The following MYOF variants were observed in gnomAD, a reference collection of about 807,000 sequenced individuals.
The protein encoded by MYOF is fer-1-like 3, myoferlin.
A neutral mutation model predicts 284.2 loss-of-function variants in MYOF; 244 were observed. The ratio of observed to expected loss-of-function variants is 0.86; its 90% CI spans 0.77 to 0.95. The LOEUF is 0.95. Among genes scored for constraint, MYOF ranks in the 40% least tolerant of loss-of-function variants. The probability of loss-of-function intolerance (pLI) is 0.00; values close to 1 mark genes in which losing one functional copy is unlikely to be tolerated. For synonymous variants in MYOF, 904 were observed against 919.7 expected, an observed-to-expected ratio of 0.98 and a Z score of 0.31; for missense variants, 2,496 against 2,560.6, an observed-to-expected ratio of 0.97 and a Z score of 0.54.
At chr10:93,382,396 C>A (rs965626656) in intron 19 of MYOF, among the ~76,000 whole-genome samples, 4 of 152,040 alleles carry the variant, frequency 2.6e-5, no homozygotes. Context: ...CTGCACCCAG[C>A]TAAACTATTG....
chr10:93,411,433 T>A (rs1847895682), intron 5 of MYOF, among the ~76,000 whole-genome samples: 1 of 152,246 alleles, frequency 6.6e-6, no homozygotes, highest in Admixed American at 6.5e-5. Flanking sequence ...CGTGACCTAA[T>A]CACCTCCCTA....
At chr10:93,343,119 A>G (rs1212952574) in intron 38 of MYOF, among the ~76,000 whole-genome samples, 1 of 152,160 alleles carries the variant, frequency 6.6e-6, no homozygotes, top group Non-Finnish European at 1.5e-5. Flanking sequence ...TTTTTGGGCT[A>G]GTTTGCACAT....
rs1185661750 is a variant in MYOF at position 93,361,576 on chromosome 10, A to C, written c.2869-19T>G. 6.2e-7 allele frequency: 1 copy of C among 1,613,766 alleles called. No individual in the cohort carries two copies. The highest frequency in any genetic ancestry group is 8.5e-7 in the Non-Finnish European group (1 of 1,179,632). The stretch of plus-strand genomic sequence containing the variant: ...CGCCGTTCTTACAAAACAAAAATAA[A>C]AACAAAGAAGAGAGGTAAGCCATAG... On this transcript the variant is annotated intron_variant, in intron 27 of 53. Transcript: ENST00000359263.
At chr10:93,415,504 G>A (rs1011925492) in intron 5 of MYOF, among the ~76,000 whole-genome samples, 9 of 152,136 alleles carry the variant, frequency 5.9e-5, no homozygotes, top group Admixed American at 2.6e-4. Flanking sequence ...CTTTCTGAAC[G>A]GCCACCTGTT....
At chr10:93,478,696 G>A (rs1032212804) in intron 1 of MYOF, among the ~76,000 whole-genome samples, 3 of 151,576 alleles carry the variant, frequency 2.0e-5, no homozygotes, top group Non-Finnish European at 4.4e-5. Context: ...GCTGGGCATG[G>A]TGGTGTGTGC....
At chr10:93,425,186 C>A (rs183811377) in intron 5 of MYOF, among the ~76,000 whole-genome samples, 60 of 152,090 alleles carry the variant, frequency 3.9e-4, no homozygotes, top group Middle Eastern at 3.4e-3. Flanking sequence ...GGTGATTCAC[C>A]TGCCTTGGCC....
At chr10:93,380,280 G>A (rs562501202) in intron 20 of MYOF, among the ~76,000 whole-genome samples, 6 of 152,304 alleles carry the variant, frequency 3.9e-5, no homozygotes, top group East Asian at 1.9e-4. Context: ...GTTTCTTAAC[G>A]TGGTAGTAGA....
intron 53 of MYOF, 101 bp downstream of exon 53, chr10:93,309,919 C>A (rs868349772): frequency 2.1e-6 from 3 of 1,416,618 alleles, no homozygotes; most frequent in Admixed American, 2.0e-5. Context: ...TGCTGCTGAG[C>A]GGGTCATTCT....
chr10:93,368,735 G>A (rs532705282), intron 25 of MYOF, among the ~76,000 whole-genome samples: 1 of 152,316 alleles, frequency 6.6e-6, no homozygotes, highest in South Asian at 2.1e-4. Context: ...GTCTTGCCTA[G>A]CAAGCAGATC....
intron 13 of MYOF, among the ~76,000 whole-genome samples, chr10:93,397,692 G>T (rs1181593010): frequency 6.6e-6 from 1 of 151,466 alleles, no homozygotes; most frequent in Non-Finnish European, 1.5e-5. Flanking sequence ...TCAATTGTCA[G>T]GCTTCTAACA....
intron 7 of MYOF, among the ~76,000 whole-genome samples, chr10:93,404,662 A>AT (rs1847467882): frequency 6.7e-6 from 1 of 149,408 alleles, no homozygotes; most frequent in African/African-American, 2.5e-5. Context: ...AAAAAAAAAA[A>AT]GGGAAAAAGA....
intron 19 of MYOF, among the ~76,000 whole-genome samples, chr10:93,384,642 C>T (rs1047856538): frequency 2.8e-5 from 2 of 70,432 alleles, no homozygotes; most frequent in Non-Finnish European, 6.4e-5. Context: ...GAAACTCTGT[C>T]TCAGAAAAAA....
At chr10:93,444,134 G>A (rs1165313521) in intron 3 of MYOF, among the ~76,000 whole-genome samples, 2 of 152,330 alleles carry the variant, frequency 1.3e-5, no homozygotes, top group East Asian at 3.9e-4. Flanking sequence ...GAGAGCCGAG[G>A]TGGACAGATT....
chr10:93,447,619 C>A (rs2056469396), intron 3 of MYOF, among the ~76,000 whole-genome samples: 1 of 152,196 alleles, frequency 6.6e-6, no homozygotes, highest in South Asian at 2.1e-4. Flanking sequence ...TAGCCCCTTC[C>A]TCGGGGCTGA....
chr10:93,360,315 C>T (rs1845008802), intron 28 of MYOF, among the ~76,000 whole-genome samples: 1 of 152,218 alleles, frequency 6.6e-6, no homozygotes, highest in Non-Finnish European at 1.5e-5. Flanking sequence ...GTTGCACAGC[C>T]TGGGTTCAAA....
chr10:93,325,373 C>T (rs1843001404), intron 46 of MYOF, among the ~76,000 whole-genome samples: 1 of 152,208 alleles, frequency 6.6e-6, no homozygotes, highest in South Asian at 2.1e-4. Context: ...CGAGCTCAAT[C>T]ACTTTCCCAG....
At chr10:93,378,537 CAT>C (rs997261394) in intron 21 of MYOF, among the ~76,000 whole-genome samples, 5 of 151,388 alleles carry the variant, frequency 3.3e-5, no homozygotes, top group African/African-American at 1.2e-4. Flanking sequence ...CCTGAAACCC[CAT>C]ATGTTTTGGT....
At chr10:93,369,815 A>G (rs760273627) in intron 24 of MYOF, 39 bp from the exon 25 acceptor site, 32 of 1,609,802 alleles carry the variant, frequency 2.0e-5, no homozygotes, top group Non-Finnish European at 2.7e-5. Context: ...TACATTAGGC[A>G]CAGCAAAGAC....
At position 93,351,225 on chromosome 10, in the gene MYOF, C is replaced by T. The variant is rs1844489879; in HGVS notation, c.3893G>A (p.Arg1298Lys). Residue 1298 changes from arginine (R) to lysine (K), a missense_variant, in exon 35 of 54, where the codon AGG becomes AAG. Coordinates refer to ENST00000359263, the MANE Select transcript of MYOF (RefSeq NM_013451.4). ...PNLYMVPQGIRPVVQLTAIEI... is the reference protein window; with the variant it reads ...PNLYMVPQGIKPVVQLTAIEI... Reference sequence around the variant, plus strand: ...AATGGCAGTGAGCTGGACCACAGGCCTGATCCCCTGGGGGACCATGTATAG... The same window carrying T: ...AATGGCAGTGAGCTGGACCACAGGCTTGATCCCCTGGGGGACCATGTATAG... The T allele has an allele frequency of 6.2e-7, 1 of 1,614,060 alleles. No homozygotes were observed. The highest frequency in any genetic ancestry group is 1.7e-5 in the Admixed American group (1 of 60,002).
Sources: gnomAD v4.1 joint callset for allele counts (sites outside exome capture counted in the v4.1 genomes callset) on GRCh38, gnomAD v4.1.1 for gene constraint, MANE v1.5 for transcripts, NCBI Gene and HGNC (gene_info 2026-07-23, HGNC 2026-07-21) for gene names.